MYRF: variants seen among roughly 807,000 people sequenced by gnomAD.
The protein encoded by MYRF is myelin regulatory factor.
Under a neutral mutation model 126.3 loss-of-function variants are expected in MYRF, and 16 were observed. The ratio of observed to expected loss-of-function variants is 0.13; its 90% CI spans 0.09 to 0.19. The LOEUF (loss-of-function observed/expected upper bound fraction) is 0.19. Ranked by LOEUF, MYRF falls within the 10% of genes least tolerant of loss-of-function variation. The pLI is 1.00. For missense variants in MYRF, 1,104 were observed against 1,547.0 expected, an observed-to-expected ratio of 0.71 and a Z score of 4.80; for synonymous variants, 608 against 635.3, an observed-to-expected ratio of 0.96 and a Z score of 0.65.
chr11:61,770,345 G>GGCCCCCCC lies in MYRF; in HGVS notation c.560_561insGCCCCCCC (p.Pro192ArgfsTer19). 1.2e-5 allele frequency: 18 copies of GGCCCCCCC among 1,504,776 alleles called. No homozygotes were observed. The highest frequency in any genetic ancestry group is 1.5e-5 in the Non-Finnish European group (17 of 1,109,442). 93.2% of individuals were successfully genotyped at this position (1,504,776 alleles called of 1,614,324 possible). A position where few individuals can be genotyped will look rare whatever the true frequency, so the allele number is the denominator to read the frequency against. On this transcript the variant is annotated frameshift_variant, in exon 5 of 27. Coordinates refer to ENST00000278836, the MANE Select transcript of MYRF (RefSeq NM_001127392.3). LOFTEE classifies it high-confidence loss of function. ...CCCCCACCTCCAGCCCACTTGCCAG[G>GGCCCCCCC]CCCCCCGCCACCCCCACCACCCCCA...
intron 2 of MYRF, 80 bp from the exon 3 acceptor site, chr11:61,765,878 T>C: frequency 6.9e-7 from 1 of 1,450,528 alleles, no homozygotes; most frequent in Non-Finnish European, 9.1e-7. Flanking sequence ...ATCTCCATAG[T>C]TCCCTGCAGG....
intron 1 of MYRF, 97 bp downstream of exon 1, chr11:61,752,887 C>A: frequency 8.1e-7 from 1 of 1,227,306 alleles, no homozygotes; most frequent in Non-Finnish European, 1.1e-6. Flanking sequence ...TTTCCGCCTC[C>A]TCTGGCTGGG....
intron 1 of MYRF, among the ~76,000 whole-genome samples, chr11:61,763,030 G>A (rs947532490): frequency 4.6e-5 from 7 of 152,166 alleles, no homozygotes; most frequent in Non-Finnish European, 1.0e-4. Context: ...TCCTGGCCAG[G>A]AGAGGAGGGG....
Position 61,781,298 on chromosome 11 carries a change from C to T in MYRF, c.2733C>T (p.Ser911=). The change falls in exon 21 of 27, where the codon AGC becomes AGT. Residue 911 remains serine (S), a synonymous_variant. Coordinates refer to ENST00000278836, the MANE Select transcript of MYRF (RefSeq NM_001127392.3). The part of the protein sequence containing the change: ...GPSFNPGHVL[S]PSPSPSTNRS... ...GCTTTAACCCTGGCCATGTTCTCAGCCCAAGTCCCAGCCCCAGCACCAACC... is the reference window on the plus strand; with the variant it reads ...GCTTTAACCCTGGCCATGTTCTCAGTCCAAGTCCCAGCCCCAGCACCAACC... The T allele has an allele frequency of 1.9e-6, 3 of 1,614,108 alleles. No homozygotes were observed. The highest frequency in any genetic ancestry group is 1.7e-6 in the Non-Finnish European group (2 of 1,180,040).
Position 61,770,426 on chromosome 11 carries a change from C to A in MYRF, c.641C>A (p.Pro214His). ...DLYMKAEPPI[P>H]HYAAMGQGLV... ...TACATGAAGGCCGAGCCCCCGATCCCCCACTACGCTGCCATGGGGCAGGGG... is the reference window on the plus strand; with the variant it reads ...TACATGAAGGCCGAGCCCCCGATCCACCACTACGCTGCCATGGGGCAGGGG... Residue 214 changes from proline (P) to histidine (H), a missense_variant, in exon 5 of 27, where the codon CCC becomes CAC. Physicochemically the swap from Pro to His is moderately conservative, Grantham distance 77. Around this residue, in one of 10 missense-constraint regions of MYRF, gnomAD observed 368 missense variants for 403.9 expected, o/e 0.91. Transcript: ENST00000278836. 6.4e-7 allele frequency: 1 copy of A among 1,557,094 alleles called. No individual in the cohort carries two copies. The highest frequency in any genetic ancestry group is 2.4e-5 in the East Asian group (1 of 41,624).
chr11:61,780,661 C>G, intron 18 of MYRF, 51 bp from the exon 19 acceptor site: 2 of 1,520,860 alleles, frequency 1.3e-6, no homozygotes, highest in Non-Finnish European at 1.8e-6. Context: ...TGTGTCTTCT[C>G]TTCTCTTCCC....
chr11:61,756,901 A>C (rs1433850405), intron 1 of MYRF, among the ~76,000 whole-genome samples: 2 of 151,762 alleles, frequency 1.3e-5, no homozygotes, highest in East Asian at 1.9e-4. Context: ...CCAATTACCA[A>C]CTCCCAAGGG....
chr11:61,780,929 C>T, intron 19 of MYRF, 31 bp from the exon 20 acceptor site: 1 of 1,607,752 alleles, frequency 6.2e-7, no homozygotes, highest in Non-Finnish European at 8.5e-7. Flanking sequence ...TCTCCCAGCC[C>T]CTCTGAGCTC....
chr11:61,774,535 A>C (rs201637694), intron 8 of MYRF, among the ~76,000 whole-genome samples: 17 of 72,196 alleles, frequency 2.4e-4, no homozygotes, highest in Admixed American at 7.7e-4. Flanking sequence ...AAAAAAAAAG[A>C]AAAAAAAAAA....
chr11:61,781,498 G>C (rs2066546169), intron 21 of MYRF, 75 bp from the exon 22 acceptor site: 2 of 1,564,512 alleles, frequency 1.3e-6, no homozygotes, highest in Non-Finnish European at 8.7e-7. Flanking sequence ...ACTCAGTCTT[G>C]TGGGGCCCTA....
chr11:61,780,026 A>T, intron 17 of MYRF, 96 bp downstream of exon 17: 1 of 1,288,130 alleles, frequency 7.8e-7, no homozygotes, highest in Non-Finnish European at 1.1e-6. Flanking sequence ...GGGGAAGAGG[A>T]GGATGTAGCT....
Position 61,788,398 on chromosome 11 carries a change from C to CT in MYRF, c.*2256dup, listed in dbSNP as rs1465541305. On this transcript the variant is annotated 3_prime_UTR_variant, in exon 27 of 27. Transcript: ENST00000278836. ...TATTTGTCATGTGCCAACTCTGACT[C>CT]TGAGGTGGGCAGTGAGGGAAGCAGC... 6.6e-6 allele frequency: 1 copy of CT among 152,322 alleles called. No individual in the cohort carries two copies. The highest frequency in any genetic ancestry group is 6.5e-5 in the Admixed American group (1 of 15,278). The allele number at this position is 152,322 out of a possible 1,614,324, so 9.4% of individuals were successfully genotyped here. A position where few individuals can be genotyped will look rare whatever the true frequency, so the allele number is the denominator to read the frequency against.
At position 61,786,909 on chromosome 11, in the gene MYRF, G is replaced by A. The variant is rs562128591; in HGVS notation, c.*766G>A. ...GAACCAGTAGGGGCCAGTGGGCCAG[G>A]TAAGCCCTAGAGCCTTGAACCAGGA... On this transcript the variant is annotated 3_prime_UTR_variant, in exon 27 of 27. Transcript: ENST00000278836. The surrounding 1 kb of genome is among the most constrained non-coding windows in gnomAD (Gnocchi z 4.5). 1 of 152,864 alleles carries A rather than the reference G, an allele frequency of 6.5e-6. No homozygotes were observed. The highest frequency in any genetic ancestry group is 1.5e-5 in the Non-Finnish European group (1 of 68,076). The allele number at this position is 152,864 out of a possible 1,614,324, so 9.5% of individuals were successfully genotyped here. A position where few individuals can be genotyped will look rare whatever the true frequency, so the allele number is the denominator to read the frequency against.
chr11:61,779,911 G>A lies in MYRF; in HGVS notation c.2317G>A (p.Val773Met). Residue 773 changes from valine (V) to methionine (M), a missense_variant, in exon 17 of 27, where the codon GTG (valine) becomes ATG (methionine). Val to Met is a conservative substitution (Grantham distance 21). This residue lies in a region of MYRF where 323 missense variants were observed against 383.1 expected (regional missense o/e 0.84). Coordinates refer to ENST00000278836, the MANE Select transcript of MYRF (RefSeq NM_001127392.3). ...RFLQGTIIAL[V>M]VVMAFSVVSM... The stretch of plus-strand genomic sequence containing the variant: ...CCTGCAGGGAACCATCATTGCCCTG[G>A]TGGTGGTCATGGCCTTCAGGTGACT... The A allele has an allele frequency of 6.2e-7, 1 of 1,614,016 alleles. No individual in the cohort carries two copies. Among genetic ancestry groups the A allele is most frequent in the Non-Finnish European group, 8.5e-7 (1 of 1,179,908 alleles).
At chr11:61,774,212 G>C in intron 8 of MYRF, 50 bp downstream of exon 8, 1 of 1,506,606 alleles carries the variant, frequency 6.6e-7, no homozygotes, top group African/African-American at 1.4e-5. Flanking sequence ...CCCTTTGGGG[G>C]CACTGAAAGA....
chr11:61,779,687 C>A, intron 16 of MYRF, 117 bp downstream of exon 16: 1 of 1,225,460 alleles, frequency 8.2e-7, no homozygotes, highest in Non-Finnish European at 1.1e-6. Flanking sequence ...CCTTGTGACT[C>A]TGTAGCCCTC....
Position 61,770,327 on chromosome 11 carries a change from C to G in MYRF, c.542C>G (p.Pro181Arg). 6.4e-7 allele frequency: 1 copy of G among 1,572,334 alleles called. No homozygotes were observed. The highest frequency in any genetic ancestry group is 8.6e-7 in the Non-Finnish European group (1 of 1,160,384). ...TCCCGCCTGGAGCATCCGCCCCCAC[C>G]TCCAGCCCACTTGCCAGGCCCCCCG... is the stretch of plus-strand genomic sequence containing the variant. ...VPSRLEHPPP[P>R]PAHLPGPPPP... The change falls in exon 5 of 27, where the codon CCT (proline) becomes CGT (arginine). Residue 181 changes from proline to arginine, a missense_variant. Pro to Arg is a moderately radical substitution (Grantham distance 103). This residue lies in a region of MYRF where 368 missense variants were observed against 403.9 expected (regional missense o/e 0.91). Transcript: ENST00000278836.
At position 61,757,953 on chromosome 11, in the gene MYRF, G is replaced by A. The variant is rs934829798; in HGVS notation, c.46+5163G>A. Among the ~76,000 whole-genome samples, 2 of 152,202 alleles carry A rather than the reference G, an allele frequency of 1.3e-5. No individual in the cohort carries two copies. The highest frequency in any genetic ancestry group is 2.9e-5 in the Non-Finnish European group (2 of 68,032). ...GCCTCTCCTCCTGACATGCTGAGGG[G>A]TGGCTCCAGCACGGGTGGCCACGCC... On this transcript the variant is annotated intron_variant, in intron 1 of 26. Coordinates refer to ENST00000278836, the MANE Select transcript of MYRF (RefSeq NM_001127392.3). The surrounding 1 kb of genome is among the most constrained non-coding windows in gnomAD (Gnocchi z 4.7).
chr11:61,784,130 G>C lies in MYRF; in HGVS notation c.3195-150G>C, dbSNP rs116017346. On this transcript the variant is annotated intron_variant, in intron 24 of 26. Transcript: ENST00000278836. ...GGGCTGAGGACCACATGGGATGGTC[G>C]ATGGGAAAGGTTTTGTTCGAGGGCC... 450 of 963,140 alleles carry C rather than the reference G, an allele frequency of 4.7e-4. 3 individuals carry two copies. The African/African-American group carries it at 6.8e-3, about 15-fold the overall frequency. 59.7% of individuals were successfully genotyped at this position (963,140 alleles called of 1,614,324 possible). A position where few individuals can be genotyped will look rare whatever the true frequency, so the allele number is the denominator to read the frequency against.
Sources: allele counts gnomAD v4.1 joint callset (sites outside exome capture counted in the v4.1 genomes callset), GRCh38; gene constraint gnomAD v4.1.1; regional missense constraint gnomAD v4.1.1; non-coding constraint Gnocchi (gnomAD v3.1); transcripts MANE v1.5; gene names NCBI Gene and HGNC (gene_info 2026-07-23, HGNC 2026-07-21).